The following ZNRF1 variants were observed in gnomAD, a reference collection of about 807,000 sequenced individuals.
The protein encoded by ZNRF1 is zinc and ring finger 1.
Under a neutral mutation model 18.4 loss-of-function variants are expected in ZNRF1, and 3 were observed. The ratio of observed to expected loss-of-function variants is 0.16; its 90% CI spans 0.07 to 0.42. The LOEUF (loss-of-function observed/expected upper bound fraction) is 0.42, where lower values mean the gene tolerates loss of function less well. ZNRF1 is among the 10% of genes least tolerant of loss of function. ZNRF1 has a pLI of 0.99. For missense variants in ZNRF1, 310 were observed against 329.8 expected, an observed-to-expected ratio of 0.94 and a Z score of 0.47; for synonymous variants, 157 against 144.2, an observed-to-expected ratio of 1.09 and a Z score of -0.64.
chr16:75,073,703 A>G (rs938287791), intron 1 of ZNRF1, among the ~76,000 whole-genome samples: 2 of 151,966 alleles, frequency 1.3e-5, no homozygotes, highest in Non-Finnish European at 2.9e-5. Flanking sequence ...TGGCTGCTGC[A>G]TAGTATTCAT....
chr16:75,077,887 C>T (rs774257746), intron 1 of ZNRF1, among the ~76,000 whole-genome samples: 3 of 152,222 alleles, frequency 2.0e-5, no homozygotes, highest in Non-Finnish European at 2.9e-5. Context: ...GTCTTCTTCT[C>T]TGCCTCTCTC....
chr16:75,026,926 A>G (rs977037189), intron 1 of ZNRF1, among the ~76,000 whole-genome samples: 2 of 151,802 alleles, frequency 1.3e-5, no homozygotes, highest in African/African-American at 2.4e-5. Context: ...AAGAAAGAAA[A>G]AGAATATCAC....
At chr16:75,009,984 CTCTTT>C (rs1361002239) in intron 1 of ZNRF1, among the ~76,000 whole-genome samples, 4 of 151,748 alleles carry the variant, frequency 2.6e-5, no homozygotes, top group Non-Finnish European at 4.4e-5. Context: ...ATCAGGTTGC[CTCTTT>C]TCTTTTCTTT....
intron 1 of ZNRF1, among the ~76,000 whole-genome samples, chr16:75,053,466 A>G (rs58279553): frequency 0.023 from 3,560 of 151,942 alleles, 163 homozygotes; most frequent in African/African-American, 0.082. Flanking sequence ...GCACACGCCT[A>G]TAGTCCCAGC....
At chr16:75,048,789 C>A (rs1312599265) in intron 1 of ZNRF1, among the ~76,000 whole-genome samples, 1 of 152,186 alleles carries the variant, frequency 6.6e-6, no homozygotes, top group Non-Finnish European at 1.5e-5. Context: ...CAAAGGTGAT[C>A]TGTAGCTGCC....
rs1474229703 is a variant in ZNRF1 at position 75,109,055 on chromosome 16, T to TC, written c.*1357dup. Reference sequence around the variant, plus strand: ...CAGGTGTGGGCCCAGCCCCCCTCCTTCCAGCCTTTGCTCCCCATCCCACGT... The same window carrying TC: ...CAGGTGTGGGCCCAGCCCCCCTCCTTCCCAGCCTTTGCTCCCCATCCCACGT... On this transcript the variant is annotated 3_prime_UTR_variant, in exon 5 of 5. Transcript: ENST00000335325. 1.3e-5 allele frequency: 2 copies of TC among 153,160 alleles called. No homozygotes were observed. Among genetic ancestry groups the TC allele is most frequent in the African/African-American group, 4.8e-5 (2 of 41,486 alleles). The allele number at this position is 153,160 out of a possible 1,614,324, so 9.5% of individuals were successfully genotyped here. A position where few individuals can be genotyped will look rare whatever the true frequency, so the allele number is the denominator to read the frequency against.
At chr16:75,084,430 A>G (rs944231269) in intron 1 of ZNRF1, 5 of 152,220 alleles carry the variant, frequency 3.3e-5, no homozygotes, top group Non-Finnish European at 7.3e-5. Context: ...AACTCTTAGG[A>G]TGAAGAGAAA....
At chr16:75,075,059 C>T (rs940489093) in intron 1 of ZNRF1, among the ~76,000 whole-genome samples, 2 of 127,704 alleles carry the variant, frequency 1.6e-5, no homozygotes, top group African/African-American at 5.9e-5. Context: ...ACCATGCTGT[C>T]TGCTTTTCCC....
At chr16:75,045,236 G>T (rs2035500398) in intron 1 of ZNRF1, among the ~76,000 whole-genome samples, 1 of 152,146 alleles carries the variant, frequency 6.6e-6, no homozygotes, top group Admixed American at 6.6e-5. Context: ...GAATAACCCT[G>T]GCCAGGGCTC....
At chr16:75,003,293 T>G (rs536885807) in intron 1 of ZNRF1, among the ~76,000 whole-genome samples, 2 of 152,202 alleles carry the variant, frequency 1.3e-5, no homozygotes, top group East Asian at 1.9e-4. Flanking sequence ...TTTGTAAGTA[T>G]TTTATCTGTT....
chr16:75,032,967 C>T (rs546131735), intron 1 of ZNRF1, among the ~76,000 whole-genome samples: 6 of 152,270 alleles, frequency 3.9e-5, no homozygotes, highest in African/African-American at 1.4e-4. Context: ...GAGCTGTAAG[C>T]ATGCTGCTGC....
At chr16:75,039,752 T>G (rs2035419218) in intron 1 of ZNRF1, among the ~76,000 whole-genome samples, 1 of 152,202 alleles carries the variant, frequency 6.6e-6, no homozygotes. Context: ...TTCCAGGTGA[T>G]TCTTACGTGT....
intron 1 of ZNRF1, among the ~76,000 whole-genome samples, chr16:75,068,543 C>T (rs1369501484): frequency 6.6e-6 from 1 of 152,040 alleles, no homozygotes; most frequent in African/African-American, 2.4e-5. Flanking sequence ...ATTGGTTTTG[C>T]CTATTAAAGC....
chr16:75,022,847 G>A (rs971283451), intron 1 of ZNRF1, among the ~76,000 whole-genome samples: 6 of 152,164 alleles, frequency 3.9e-5, no homozygotes, highest in South Asian at 2.1e-4. Context: ...AAGTGAACTT[G>A]CCCTTGTGCT....
intron 1 of ZNRF1, among the ~76,000 whole-genome samples, chr16:75,001,618 T>C (rs1295806957): frequency 6.6e-6 from 1 of 152,226 alleles, no homozygotes; most frequent in African/African-American, 2.4e-5. Context: ...TTGAGATGAC[T>C]AGTTTGGTGT....
Position 75,108,442 on chromosome 16 carries a change from G to A in ZNRF1, c.*742G>A. The A allele has an allele frequency of 5.1e-6, 2 of 390,390 alleles. No homozygotes were observed. The highest frequency in any genetic ancestry group is 2.1e-5 in the African/African-American group (1 of 47,130). 24.2% of individuals were successfully genotyped at this position (390,390 alleles called of 1,614,324 possible). ...TGAACATTATTCTTAGGCCCTCGTGGATTTTTTTTTTCAGAAAACTTAAAC... is the reference window on the plus strand; with the variant it reads ...TGAACATTATTCTTAGGCCCTCGTGAATTTTTTTTTTCAGAAAACTTAAAC... On this transcript the variant is annotated 3_prime_UTR_variant, in exon 5 of 5. Coordinates refer to ENST00000335325, the MANE Select transcript of ZNRF1 (RefSeq NM_032268.5).
At chr16:75,054,937 G>A (rs2035649899) in intron 1 of ZNRF1, among the ~76,000 whole-genome samples, 1 of 152,206 alleles carries the variant, frequency 6.6e-6, no homozygotes, top group Admixed American at 6.5e-5. Context: ...CTTTTCTCCT[G>A]TCTAGCTGTC....
chr16:75,073,146 C>CTCTCTCTGTCTCTCTG (rs60427791), intron 1 of ZNRF1, among the ~76,000 whole-genome samples: 15 of 128,648 alleles, frequency 1.2e-4, no homozygotes, highest in Admixed American at 2.4e-4. Flanking sequence ...CTCTCTCTCT[C>CTCTCTCTGTCTCTCTG]TCTCTCTGTC....
intron 2 of ZNRF1, 78 bp downstream of exon 2, chr16:75,093,745 C>T (rs139747344): frequency 1.0e-5 from 12 of 1,205,588 alleles, no homozygotes; most frequent in Middle Eastern, 2.1e-4. Context: ...AGCCTCCAGT[C>T]GAGGGTGGTT....
Sources: allele counts gnomAD v4.1 joint callset (sites outside exome capture counted in the v4.1 genomes callset), GRCh38; gene constraint gnomAD v4.1.1; transcripts MANE v1.5; gene names NCBI Gene and HGNC (gene_info 2026-07-23, HGNC 2026-07-21).